ACVR2A: variants seen among roughly 807,000 people sequenced by gnomAD.
ACVR2A encodes activin A receptor type 2A, also known as activin receptor type-2A.
A neutral mutation model predicts 61.4 loss-of-function variants in ACVR2A; 7 were observed. That is an observed-to-expected ratio of 0.11 (90% CI 0.06 to 0.21). The LOEUF (loss-of-function observed/expected upper bound fraction) is 0.21. Ranked by LOEUF, ACVR2A falls within the 10% of genes least tolerant of loss-of-function variation. ACVR2A has a pLI of 1.00. For synonymous variants in ACVR2A, 193 were observed against 208.3 expected (o/e 0.93, Z 0.63); for missense variants, 322 against 621.7 (o/e 0.52, Z 5.13).
At chr2:147,860,557 T>C (rs974720327) in intron 1 of ACVR2A, among the ~76,000 whole-genome samples, 7 of 152,206 alleles carry the variant, frequency 4.6e-5, no homozygotes, top group Non-Finnish European at 1.0e-4. Context: ...ATATATGTCT[T>C]TTAAGAAATC....
intron 1 of ACVR2A, among the ~76,000 whole-genome samples, chr2:147,875,075 A>G (rs749296470): frequency 6.6e-6 from 1 of 151,990 alleles, no homozygotes; most frequent in East Asian, 1.9e-4. Flanking sequence ...GGGATTATAG[A>G]CGTTCAAACC....
At chr2:147,879,930 A>G (rs933297535) in intron 1 of ACVR2A, among the ~76,000 whole-genome samples, 3 of 152,156 alleles carry the variant, frequency 2.0e-5, no homozygotes, top group Non-Finnish European at 4.4e-5. Flanking sequence ...TAGATTTTCT[A>G]ATTCTAATGC....
At chr2:147,844,975 CTTTTT>C (rs879026054), upstream of ACVR2A, 23 of 127,122 alleles carry the variant, frequency 1.8e-4, 2 homozygotes, top group Non-Finnish European at 3.0e-4. Context: ...TCTTTTTTTT[CTTTTT>C]TTTTTTTAAC....
At chr2:147,865,762 C>T (rs1685836143) in intron 1 of ACVR2A, among the ~76,000 whole-genome samples, 1 of 152,140 alleles carries the variant, frequency 6.6e-6, no homozygotes, top group Non-Finnish European at 1.5e-5. Flanking sequence ...ATGAATAAGA[C>T]ACAATCTTTA....
chr2:147,909,501 T>G (rs921889659), intron 4 of ACVR2A, among the ~76,000 whole-genome samples: 1 of 152,166 alleles, frequency 6.6e-6, no homozygotes, highest in Non-Finnish European at 1.5e-5. Flanking sequence ...CCTAATAGCT[T>G]GATATTAATG....
At chr2:147,919,560 A>G (rs1687331591) in intron 7 of ACVR2A, among the ~76,000 whole-genome samples, 1 of 152,118 alleles carries the variant, frequency 6.6e-6, no homozygotes, top group Admixed American at 6.6e-5. Context: ...TTTAACCACT[A>G]GTCATTGGCA....
Position 147,918,601 on chromosome 2 carries a change from A to G in ACVR2A, c.962+9A>G. On this transcript the variant is annotated intron_variant, in intron 7 of 10. Transcript: ENST00000241416. ...CCTGCCATATCTCACAGGTAGACTAAATTTATATTGTTTTCCCAGATAATT... is the reference window on the plus strand; with the variant it reads ...CCTGCCATATCTCACAGGTAGACTAGATTTATATTGTTTTCCCAGATAATT... The G allele has an allele frequency of 6.3e-7, 1 of 1,591,354 alleles. No homozygotes were observed. Among genetic ancestry groups the G allele is most frequent in the Non-Finnish European group, 8.5e-7 (1 of 1,171,968 alleles).
chr2:147,848,986 A>G (rs1050828186), intron 1 of ACVR2A, among the ~76,000 whole-genome samples: 1 of 152,152 alleles, frequency 6.6e-6, no homozygotes, highest in Non-Finnish European at 1.5e-5. Context: ...TCTTTTCATT[A>G]TCTTTTAAAT....
chr2:147,877,704 T>A (rs1180628750), intron 1 of ACVR2A, among the ~76,000 whole-genome samples: 1 of 152,188 alleles, frequency 6.6e-6, no homozygotes, highest in Non-Finnish European at 1.5e-5. Context: ...AACTTATCAG[T>A]CATTGATTAT....
chr2:147,919,242 C>T (rs775817879), intron 7 of ACVR2A, among the ~76,000 whole-genome samples: 7 of 152,038 alleles, frequency 4.6e-5, no homozygotes, highest in African/African-American at 9.7e-5. Flanking sequence ...TGCCACCAGG[C>T]GATGTTTTAG....
chr2:147,859,147 C>G (rs1048198619), intron 1 of ACVR2A, among the ~76,000 whole-genome samples: 2 of 152,138 alleles, frequency 1.3e-5, no homozygotes, highest in African/African-American at 4.8e-5. Context: ...TCTAGCAATA[C>G]AACTTTGTTT....
chr2:147,861,865 T>C (rs1685734514), intron 1 of ACVR2A, among the ~76,000 whole-genome samples: 1 of 148,466 alleles, frequency 6.7e-6, no homozygotes, highest in African/African-American at 2.5e-5. Flanking sequence ...TGTTTTGTTT[T>C]CTCAGCATCT....
intron 1 of ACVR2A, among the ~76,000 whole-genome samples, chr2:147,871,594 G>A (rs1469217019): frequency 6.6e-6 from 1 of 152,060 alleles, no homozygotes; most frequent in Non-Finnish European, 1.5e-5. Flanking sequence ...AGAATATGCT[G>A]TTTGCTGTAT....
At chr2:147,887,783 C>T (rs775606738) in intron 1 of ACVR2A, among the ~76,000 whole-genome samples, 5 of 151,954 alleles carry the variant, frequency 3.3e-5, no homozygotes, top group African/African-American at 7.3e-5. Context: ...TGTAGAAGAA[C>T]GTATATAGAC....
At position 147,867,475 on chromosome 2, in the gene ACVR2A, C is replaced by T. The variant is rs568902304; in HGVS notation, c.55+22268C>T. On this transcript the variant is annotated intron_variant, in intron 1 of 10. Transcript: ENST00000241416. Reference sequence around the variant, plus strand: ...ACTAAGTTCTGTCAGTTTGACTTTCCATGTGTTTCTTGAGTCTATACCTGC... The same window carrying T: ...ACTAAGTTCTGTCAGTTTGACTTTCTATGTGTTTCTTGAGTCTATACCTGC... Among the ~76,000 whole-genome samples, 7 of 152,150 alleles carry T rather than the reference C, an allele frequency of 4.6e-5. 1 individual carries two copies. Among genetic ancestry groups the T allele is most frequent in the Admixed American group, 1.3e-4 (2 of 15,262 alleles).
At chr2:147,910,929 T>A (rs1327601067) in intron 4 of ACVR2A, among the ~76,000 whole-genome samples, 1 of 152,150 alleles carries the variant, frequency 6.6e-6, no homozygotes. Context: ...CATGGTGTAT[T>A]ATGGTGCACG....
chr2:147,907,711 A>G (rs1687019318), intron 4 of ACVR2A, among the ~76,000 whole-genome samples: 1 of 152,136 alleles, frequency 6.6e-6, no homozygotes, highest in South Asian at 2.1e-4. Context: ...TCAGTAAATA[A>G]TTAAGTGGAG....
intron 1 of ACVR2A, among the ~76,000 whole-genome samples, chr2:147,892,259 C>CT (rs1686606371): frequency 6.6e-6 from 1 of 151,788 alleles, no homozygotes; most frequent in African/African-American, 2.4e-5. Context: ...TGTGAGCCAC[C>CT]GTGCTGGGCC....
chr2:147,874,539 G>A (rs1229300757), intron 1 of ACVR2A, among the ~76,000 whole-genome samples: 9 of 151,922 alleles, frequency 5.9e-5, no homozygotes, highest in Non-Finnish European at 1.0e-4. Context: ...AGGACCTCCG[G>A]CATTAGAATC....
Sources: allele counts gnomAD v4.1 joint callset (sites outside exome capture counted in the v4.1 genomes callset), GRCh38; gene constraint gnomAD v4.1.1; transcripts MANE v1.5; gene names NCBI Gene and HGNC (gene_info 2026-07-23, HGNC 2026-07-21).